Variants in CPNE4 observed in about 807,000 individuals in gnomAD.
The protein encoded by CPNE4 is copine 4.
A neutral mutation model predicts 67.9 loss-of-function variants in CPNE4; 25 were observed. The ratio of observed to expected loss-of-function variants is 0.37; its 90% CI spans 0.27 to 0.51. The LOEUF (loss-of-function observed/expected upper bound fraction) is 0.51. CPNE4 is among the 20% of genes least tolerant of loss of function. The pLI, the probability that CPNE4 is intolerant of heterozygous loss-of-function variation, is 0.93. For missense variants in CPNE4, 464 were observed against 690.8 expected (o/e 0.67, Z 3.68); for synonymous variants, 242 against 244.9 (o/e 0.99, Z 0.11).
At chr3:131,708,933 A>T (rs1376023914) in intron 3 of CPNE4, among the ~76,000 whole-genome samples, 1 of 131,492 alleles carries the variant, frequency 7.6e-6, no homozygotes, top group African/African-American at 2.8e-5. Flanking sequence ...CATTCTAAAA[A>T]AAATCAGTGT....
chr3:131,703,065 T>C (rs1035829325), intron 3 of CPNE4, among the ~76,000 whole-genome samples: 1 of 152,090 alleles, frequency 6.6e-6, no homozygotes, highest in African/African-American at 2.4e-5. Context: ...TGGGCAAAAA[T>C]AGCAAAGAAG....
At chr3:131,816,111 A>G (rs557373328) in intron 2 of CPNE4, among the ~76,000 whole-genome samples, 1 of 152,312 alleles carries the variant, frequency 6.6e-6, no homozygotes, top group Admixed American at 6.5e-5. Flanking sequence ...TTACATATAG[A>G]ATACTTGGAG....
At chr3:131,929,196 CAAA>C (rs57462900) in intron 1 of CPNE4, among the ~76,000 whole-genome samples, 27 of 98,824 alleles carry the variant, frequency 2.7e-4, no homozygotes, top group East Asian at 2.9e-4. Flanking sequence ...TTGTCCTCAC[CAAA>C]AAAAAAAAAA....
intron 2 of CPNE4, among the ~76,000 whole-genome samples, chr3:131,864,182 A>G (rs1251296541): frequency 8.6e-5 from 13 of 151,000 alleles, no homozygotes; most frequent in Non-Finnish European, 1.3e-4. Context: ...TTGACTTGGC[A>G]ATGCGGGCTC....
intron 1 of CPNE4, among the ~76,000 whole-genome samples, chr3:131,923,764 C>T (rs1467129755): frequency 7.2e-6 from 1 of 139,392 alleles, no homozygotes; most frequent in South Asian, 2.3e-4. Context: ...CCAACAGAAC[C>T]AAAGAGGGGT....
intron 2 of CPNE4, among the ~76,000 whole-genome samples, chr3:131,798,710 G>A (rs956958092): frequency 8.5e-5 from 13 of 152,136 alleles, no homozygotes; most frequent in Non-Finnish European, 1.8e-4. Context: ...CTAGGCAAGT[G>A]TTTAGAAGCA....
intron 6 of CPNE4, among the ~76,000 whole-genome samples, chr3:131,672,494 T>A (rs1430638175): frequency 2.0e-5 from 3 of 152,170 alleles, no homozygotes; most frequent in African/African-American, 4.8e-5. Context: ...CAGTATTTAT[T>A]ATGGCCTTTT....
intron 4 of CPNE4, among the ~76,000 whole-genome samples, chr3:131,698,608 T>TAAA (rs556686311): frequency 0.014 from 1,923 of 137,824 alleles, 42 homozygotes; most frequent in African/African-American, 0.046. Flanking sequence ...TTCCTGTGCT[T>TAAA]AAAAAAAAAA....
At chr3:131,784,034 A>G (rs2083491265) in intron 2 of CPNE4, among the ~76,000 whole-genome samples, 1 of 152,146 alleles carries the variant, frequency 6.6e-6, no homozygotes, top group Non-Finnish European at 1.5e-5. Flanking sequence ...CAGCAAATAT[A>G]CAATATAGTT....
chr3:132,016,272 C>T (rs987227304), intron 1 of CPNE4, among the ~76,000 whole-genome samples: 1 of 152,134 alleles, frequency 6.6e-6, no homozygotes, highest in Admixed American at 6.5e-5. Flanking sequence ...TGTGTCAGAC[C>T]ATTAGCCTCA....
intron 1 of CPNE4, among the ~76,000 whole-genome samples, chr3:132,004,060 G>A (rs758431587): frequency 2.0e-5 from 3 of 151,882 alleles, no homozygotes; most frequent in Non-Finnish European, 4.4e-5. Flanking sequence ...CTCCTATCCT[G>A]CTCTCCACAC....
chr3:131,849,095 T>C (rs1419631780), intron 2 of CPNE4, among the ~76,000 whole-genome samples: 1 of 151,928 alleles, frequency 6.6e-6, no homozygotes, highest in Non-Finnish European at 1.5e-5. Flanking sequence ...GTCGATTTCA[T>C]CATTGGTTTT....
At chr3:131,674,514 G>T (rs527479540) in intron 6 of CPNE4, among the ~76,000 whole-genome samples, 1 of 152,030 alleles carries the variant, frequency 6.6e-6, no homozygotes, top group Non-Finnish European at 1.5e-5. Flanking sequence ...ATATTGATCT[G>T]TTCAAGTTTT....
chr3:131,953,379 C>T lies in CPNE4; in HGVS notation c.-1-47935G>A, dbSNP rs116206760. On this transcript the variant is annotated intron_variant, in intron 1 of 15. Transcript: ENST00000429747. ...TTTGTCATATATGATCTTGATTATG[C>T]GGAAGTATATTTCTTCTATGCCTAA... Among the ~76,000 whole-genome samples, 638 of 151,226 alleles carry T rather than the reference C, an allele frequency of 4.2e-3. 4 individuals are homozygous for T. The highest frequency in any genetic ancestry group is 0.014 in the Middle Eastern group (4 of 286).
chr3:131,968,111 G>A (rs2072402307), intron 1 of CPNE4, among the ~76,000 whole-genome samples: 1 of 152,168 alleles, frequency 6.6e-6, no homozygotes, highest in Non-Finnish European at 1.5e-5. Context: ...ATGGGCAAAT[G>A]ATTCCCTATT....
At chr3:131,977,652 T>C (rs894960730) in intron 1 of CPNE4, among the ~76,000 whole-genome samples, 4 of 152,104 alleles carry the variant, frequency 2.6e-5, no homozygotes, top group Non-Finnish European at 5.9e-5. Context: ...GGTTCTTTTT[T>C]TAAAAATTTT....
intron 7 of CPNE4, among the ~76,000 whole-genome samples, chr3:131,598,702 C>T (rs1939030602): frequency 1.3e-5 from 2 of 152,196 alleles, no homozygotes; most frequent in South Asian, 4.1e-4. Flanking sequence ...TAGTTTACTT[C>T]TGCTATGTAC....
chr3:131,731,062 C>T (rs1043477367), intron 2 of CPNE4, among the ~76,000 whole-genome samples: 13 of 152,152 alleles, frequency 8.5e-5, no homozygotes, highest in African/African-American at 2.4e-4. Flanking sequence ...TTAAACTGAA[C>T]GAGTGATCCA....
intron 3 of CPNE4, among the ~76,000 whole-genome samples, chr3:131,704,592 T>C (rs1292869175): frequency 1.3e-5 from 2 of 152,162 alleles, no homozygotes; most frequent in Non-Finnish European, 2.9e-5. Context: ...ATAATCTACT[T>C]ACCCTCCAAT....
Sources: gnomAD v4.1 joint callset for allele counts (sites outside exome capture counted in the v4.1 genomes callset) on GRCh38, gnomAD v4.1.1 for gene constraint, MANE v1.5 for transcripts, NCBI Gene and HGNC (gene_info 2026-07-23, HGNC 2026-07-21) for gene names.